The following ZNF326 variants were observed in gnomAD, a reference collection of about 807,000 sequenced individuals.
ZNF326 encodes DBIRD complex subunit ZNF326.
A neutral mutation model predicts 63.1 loss-of-function variants in ZNF326; 30 were observed. The observed-to-expected ratio is 0.48, with a 90% CI of 0.36 to 0.64. The LOEUF (loss-of-function observed/expected upper bound fraction) is 0.64, where lower values mean the gene tolerates loss of function less well. Ranked by LOEUF, ZNF326 falls within the 30% of genes least tolerant of loss-of-function variation. The pLI, the probability that ZNF326 is intolerant of heterozygous loss-of-function variation, is 0.00. For missense variants in ZNF326, 609 were observed against 720.3 expected, an observed-to-expected ratio of 0.85 and a Z score of 1.77; for synonymous variants, 194 against 228.2, an observed-to-expected ratio of 0.85 and a Z score of 1.35.
rs1648280394 is a variant in ZNF326 at position 89,995,197 on chromosome 1, G to C, written c.-61G>C. On this transcript the variant is annotated 5_prime_UTR_variant, in exon 1 of 12. Transcript: ENST00000340281. ...TCGTGTGGAATCGCGGGTCGCGGACGCTCGCCGCCGGCCATAGCTCAGCCT... is the reference window on the plus strand; with the variant it reads ...TCGTGTGGAATCGCGGGTCGCGGACCCTCGCCGCCGGCCATAGCTCAGCCT... 6 of 1,520,384 alleles carry C rather than the reference G, an allele frequency of 3.9e-6. No homozygotes were observed. Among genetic ancestry groups the C allele is most frequent in the Non-Finnish European group, 5.3e-6 (6 of 1,136,992 alleles). The allele number at this position is 1,520,384 out of a possible 1,614,324, so 94.2% of individuals were successfully genotyped here. A position where few individuals can be genotyped will look rare whatever the true frequency, so the allele number is the denominator to read the frequency against.
chr1:90,023,067 T>C (rs772331142), intron 11 of ZNF326, among the ~76,000 whole-genome samples: 1 of 152,218 alleles, frequency 6.6e-6, no homozygotes, highest in Non-Finnish European at 1.5e-5. Context: ...TTTTGCCATA[T>C]GTTATGGCTT....
intron 5 of ZNF326, among the ~76,000 whole-genome samples, chr1:90,008,711 T>C (rs780972525): frequency 6.6e-6 from 1 of 152,184 alleles, no homozygotes; most frequent in African/African-American, 2.4e-5. Flanking sequence ...GTAAAAAAGG[T>C]AGTAGGGTAC....
At chr1:90,016,267 G>A (rs1029447964) in intron 7 of ZNF326, among the ~76,000 whole-genome samples, 1 of 152,038 alleles carries the variant, frequency 6.6e-6, no homozygotes, top group Non-Finnish European at 1.5e-5. Context: ...ATGGAATTAG[G>A]ATATGAACTC....
Position 90,020,823 on chromosome 1 carries a change from A to G in ZNF326, c.1206A>G (p.Val402=). ...GVTVDDHMMK[V]ETVHCSACSV... Reference sequence around the variant, plus strand: ...CTGTAGATGATCACATGATGAAGGTAGAGACAGTTCATTGCAGCGCTTGCA... The same window carrying G: ...CTGTAGATGATCACATGATGAAGGTGGAGACAGTTCATTGCAGCGCTTGCA... The change falls in exon 10 of 12, where the codon GTA becomes GTG. Residue 402 remains valine, a synonymous_variant. Coordinates refer to ENST00000340281, the MANE Select transcript of ZNF326 (RefSeq NM_182976.4). 5 of 1,612,872 alleles carry G rather than the reference A, an allele frequency of 3.1e-6. No homozygotes were observed. Among genetic ancestry groups the G allele is most frequent in the Non-Finnish European group, 3.4e-6 (4 of 1,179,178 alleles).
At position 90,010,426 on chromosome 1, in the gene ZNF326, T is replaced by C. The variant is rs552703892; in HGVS notation, c.814+140T>C. 3.4e-6 allele frequency: 3 copies of C among 874,564 alleles called. 1 individual carries two copies. The South Asian group carries it at 5.5e-5, about 16-fold the overall frequency. The allele number at this position is 874,564 out of a possible 1,614,324, so 54.2% of individuals were successfully genotyped here. ...GTAGAAGTTAGATCTGTAAATCCCC[T>C]ATTGCAGTTAATAATTGGTCATGAA... On this transcript the variant is annotated intron_variant, in intron 6 of 11. Transcript: ENST00000340281.
chr1:90,027,478 C>A lies in ZNF326; in HGVS notation c.1526C>A (p.Ala509Glu), dbSNP rs765282664. Reference protein sequence around the residue: ...EEEDEDEEEEAEEVGEVEEVE... With the variant: ...EEEDEDEEEEEEEVGEVEEVE... The stretch of plus-strand genomic sequence containing the variant: ...GAGGATGAAGATGAGGAAGAAGAAG[C>A]AGAGGAAGTGGGGGAAGTAGAGGAA... Residue 509 changes from alanine (A) to glutamate (E), a missense_variant, in exon 12 of 12, where the codon GCA becomes GAA. Around this residue, in one of 3 missense-constraint regions of ZNF326, gnomAD observed 399 missense variants for 444.3 expected, o/e 0.90. Transcript: ENST00000340281. The A allele has an allele frequency of 1.4e-5, 22 of 1,611,888 alleles. No individual in the cohort carries two copies. Among genetic ancestry groups the A allele is most frequent in the Non-Finnish European group, 1.7e-5 (20 of 1,179,588 alleles).
intron 11 of ZNF326, among the ~76,000 whole-genome samples, chr1:90,022,937 G>C (rs916934396): frequency 2.0e-5 from 3 of 152,222 alleles, no homozygotes; most frequent in Non-Finnish European, 2.9e-5. Flanking sequence ...AGGAAGGTCA[G>C]ATGTTTCTCC....
intron 8 of ZNF326, 47 bp from the exon 9 acceptor site, chr1:90,018,638 G>A: frequency 9.2e-7 from 1 of 1,082,378 alleles, no homozygotes; most frequent in South Asian, 1.4e-5. Context: ...CATTATACTT[G>A]AGTGCTCATT....
chr1:90,024,899 G>A (rs1482827455), intron 11 of ZNF326, among the ~76,000 whole-genome samples: 1 of 151,114 alleles, frequency 6.6e-6, no homozygotes, highest in African/African-American at 2.4e-5. Context: ...TATTATTTGT[G>A]AGGAAAAATC....
At chr1:90,021,231 A>G (rs1649757034) in intron 10 of ZNF326, among the ~76,000 whole-genome samples, 1 of 152,100 alleles carries the variant, frequency 6.6e-6, no homozygotes, top group South Asian at 2.1e-4. Context: ...TAAGAATTAA[A>G]TTAATTAAAA....
chr1:90,033,794 A>C lies in ZNF326; in HGVS notation c.*6093A>C, dbSNP rs1397237640. ...ATTAAACTTCATGAGATTAAGAGCCATATGTATAGAGAATTCACCATTGAA... is the reference window on the plus strand; with the variant it reads ...ATTAAACTTCATGAGATTAAGAGCCCTATGTATAGAGAATTCACCATTGAA... On this transcript the variant is annotated 3_prime_UTR_variant, in exon 12 of 12. Transcript: ENST00000340281. 1 of 152,174 alleles carries C rather than the reference A, an allele frequency of 6.6e-6. No homozygotes were observed. The highest frequency in any genetic ancestry group is 1.5e-5 in the Non-Finnish European group (1 of 68,014). The allele number at this position is 152,174 out of a possible 1,614,324, so 9.4% of individuals were successfully genotyped here.
intron 4 of ZNF326, 140 bp downstream of exon 4, chr1:90,005,384 G>A: frequency 7.2e-7 from 1 of 1,395,630 alleles, no homozygotes; most frequent in Non-Finnish European, 9.3e-7. Context: ...ATTTAAAGGT[G>A]TTAATTAATG....
At chr1:90,006,461 C>T in intron 4 of ZNF326, 2 of 985,254 alleles carry the variant, frequency 2.0e-6, no homozygotes, top group South Asian at 9.4e-5. Context: ...TTTTGTAATC[C>T]ATGCTTTGGG....
chr1:90,030,414 A>G lies in ZNF326; in HGVS notation c.*2713A>G, dbSNP rs1650218135. 1 of 150,398 alleles carries G rather than the reference A, an allele frequency of 6.6e-6. No individual in the cohort carries two copies. Among genetic ancestry groups the G allele is most frequent in the South Asian group, 2.1e-4 (1 of 4,784 alleles). The allele number at this position is 150,398 out of a possible 1,614,324, so 9.3% of individuals were successfully genotyped here. ...CAGACTGGCCTAGCTTTACAACTTT[A>G]TATCATATACCATTCTTACCAGCCA... On this transcript the variant is annotated 3_prime_UTR_variant, in exon 12 of 12. Transcript: ENST00000340281.
chr1:90,021,161 T>C (rs1649753446), intron 10 of ZNF326, among the ~76,000 whole-genome samples: 1 of 152,112 alleles, frequency 6.6e-6, no homozygotes, highest in African/African-American at 2.4e-5. Context: ...TTTCTTTGTC[T>C]AAGTTTCCTT....
chr1:89,995,426 C>T (rs897616556), intron 1 of ZNF326, among the ~76,000 whole-genome samples, 153 bp downstream of exon 1: 3 of 152,216 alleles, frequency 2.0e-5, no homozygotes, highest in African/African-American at 7.2e-5. Context: ...CGGAGTCGGC[C>T]TCTTTGGGGA....
At position 90,027,413 on chromosome 1, in the gene ZNF326, G is replaced by A. The variant is rs1193944654; in HGVS notation, c.1461G>A (p.Glu487=). ...HSQDQQIEGD[E]EDEEKIDEPI... ...AGGATCAGCAAATAGAAGGAGATGA[G>A]GAGGATGAAGAGAAGATTGATGAAC... is the stretch of plus-strand genomic sequence containing the variant. The change falls in exon 12 of 12, where the codon GAG becomes GAA. Residue 487 remains glutamate (E), a synonymous_variant. Transcript: ENST00000340281. The A allele has an allele frequency of 1.2e-6, 2 of 1,613,822 alleles. No individual in the cohort carries two copies. The highest frequency in any genetic ancestry group is 1.1e-5 in the South Asian group (1 of 91,074).
rs1158104974 is a variant in ZNF326, at chr1:90,034,233, GAGTA to G, written c.*6535_*6538del. On this transcript the variant is annotated 3_prime_UTR_variant, in exon 12 of 12. Transcript: ENST00000340281. ...CTTCTATCTTGAGTGAAACTGTCAA[GAGTA>G]AGGGCACAGCAAGGACATTCTACCA... The G allele has an allele frequency of 3.3e-5, 5 of 152,182 alleles. 1 individual carries two copies. Among genetic ancestry groups the G allele is most frequent in the African/African-American group, 1.2e-4 (5 of 41,444 alleles). 9.4% of individuals were successfully genotyped at this position (152,182 alleles called of 1,614,324 possible). A position where few individuals can be genotyped will look rare whatever the true frequency, so the allele number is the denominator to read the frequency against.
In ZNF326 at chr1:89,998,167, T is replaced by G; in HGVS notation, c.61+13T>G. 6.2e-7 allele frequency: 1 copy of G among 1,612,140 alleles called. No individual in the cohort carries two copies. Among genetic ancestry groups the G allele is most frequent in the Non-Finnish European group, 8.5e-7 (1 of 1,179,412 alleles). ...CAGGGCTTTAATGGTAAGTATCCTC[T>G]TTCAGCTTTTCTCTTCATGCGCATA... is the stretch of plus-strand genomic sequence containing the variant. On this transcript the variant is annotated intron_variant, in intron 2 of 11. Coordinates refer to ENST00000340281, the MANE Select transcript of ZNF326 (RefSeq NM_182976.4).
Sources: gnomAD v4.1 joint callset for allele counts (sites outside exome capture counted in the v4.1 genomes callset) on GRCh38, gnomAD v4.1.1 for gene constraint, gnomAD v4.1.1 regional missense constraint, MANE v1.5 for transcripts, NCBI Gene and HGNC (gene_info 2026-07-23, HGNC 2026-07-21) for gene names.